GRIK1: variants seen among roughly 807,000 people sequenced by gnomAD.
GRIK1 encodes glutamate ionotropic receptor kainate type subunit 1.
GRIK1 carries 69 observed loss-of-function variants against 105.7 expected under a neutral mutation model. The observed-to-expected ratio is 0.65, with a 90% confidence interval of 0.54 to 0.80. GRIK1 has a LOEUF of 0.80. Ranked by LOEUF, GRIK1 falls within the 30% of genes least tolerant of loss-of-function variation. The pLI is 0.00. For synonymous variants in GRIK1, 438 were observed against 431.3 expected (o/e 1.02, Z -0.19); for missense variants, 1,109 against 1,167.3 (o/e 0.95, Z 0.73).
intron 1 of GRIK1, among the ~76,000 whole-genome samples, chr21:29,749,393 A>G (rs112914218): frequency 2.2e-4 from 33 of 152,348 alleles, no homozygotes; most frequent in Middle Eastern, 3.4e-3. Flanking sequence ...CTAACGTAGC[A>G]TAGTGGACGT....
chr21:29,546,762 A>G (rs1476305018), intron 16 of GRIK1, among the ~76,000 whole-genome samples: 2 of 152,254 alleles, frequency 1.3e-5, no homozygotes, highest in Non-Finnish European at 2.9e-5. Flanking sequence ...GGATCTTGCA[A>G]TTAAAAACCA....
intron 1 of GRIK1, among the ~76,000 whole-genome samples, chr21:29,855,431 G>A (rs1234170238): frequency 6.6e-6 from 1 of 152,162 alleles, no homozygotes; most frequent in Non-Finnish European, 1.5e-5. Context: ...AGGAGCATGA[G>A]GAAGAGATTT....
intron 1 of GRIK1, among the ~76,000 whole-genome samples, chr21:29,912,056 C>A (rs1039653800): frequency 6.6e-6 from 1 of 151,946 alleles, no homozygotes; most frequent in East Asian, 1.9e-4. Context: ...CACATATACA[C>A]AGAGAGAAAG....
At chr21:29,542,470 G>A (rs912886739) in intron 16 of GRIK1, among the ~76,000 whole-genome samples, 11 of 152,142 alleles carry the variant, frequency 7.2e-5, no homozygotes, top group African/African-American at 2.6e-4. Flanking sequence ...TATTTGTTTT[G>A]TACCTAAAAT....
At chr21:29,640,930 G>A (rs961857773) in intron 7 of GRIK1, among the ~76,000 whole-genome samples, 3 of 152,038 alleles carry the variant, frequency 2.0e-5, no homozygotes, top group African/African-American at 7.2e-5. Flanking sequence ...TGATGTCTTT[G>A]TTGTTGTTGT....
intron 1 of GRIK1, among the ~76,000 whole-genome samples, chr21:29,911,734 A>T (rs890695019): frequency 1.3e-5 from 2 of 152,000 alleles, no homozygotes; most frequent in African/African-American, 4.8e-5. Context: ...TCCCTCCTCC[A>T]TCATAGGAAG....
intron 7 of GRIK1, among the ~76,000 whole-genome samples, chr21:29,601,840 C>T (rs1342436177): frequency 5.3e-5 from 8 of 152,222 alleles, no homozygotes; most frequent in Non-Finnish European, 1.0e-4. Flanking sequence ...AATTATCTTA[C>T]TAAATTGTGT....
chr21:29,561,532 G>C, intron 15 of GRIK1, 92 bp downstream of exon 15: 1 of 775,100 alleles, frequency 1.3e-6, no homozygotes, highest in Non-Finnish European at 2.3e-6. Flanking sequence ...GGCCTTCTCA[G>C]AATTTGGAAT....
chr21:29,888,898 C>T (rs576335069), intron 1 of GRIK1, among the ~76,000 whole-genome samples: 7 of 148,994 alleles, frequency 4.7e-5, no homozygotes, highest in Non-Finnish European at 1.1e-4. Flanking sequence ...GGCCTTCCAT[C>T]ATGGAAAGGT....
At position 29,560,321 on chromosome 21, in the gene GRIK1, TTC is replaced by T. The variant is rs1491155904; in HGVS notation, c.2356+1301_2356+1302del. ...TTTCTTTCTTTCTTTCTTTCTTTCT[TTC>T]TTTCTTTCTTTCTTTCTTTCTTTCT... is the stretch of plus-strand genomic sequence containing the variant. On this transcript the variant is annotated intron_variant, in intron 15 of 17. Transcript: ENST00000327783. Among the ~76,000 whole-genome samples, 9 of 121,746 alleles carry T rather than the reference TTC, an allele frequency of 7.4e-5. 1 individual carries two copies. Among genetic ancestry groups the T allele is most frequent in the South Asian group, 2.7e-4 (1 of 3,756 alleles). 79.9% of individuals were successfully genotyped at this position (121,746 alleles called of 152,430 possible).
intron 1 of GRIK1, among the ~76,000 whole-genome samples, chr21:29,787,717 C>T (rs865863238): frequency 2.0e-5 from 3 of 152,194 alleles, no homozygotes; most frequent in African/African-American, 2.4e-5. Context: ...AGACGCACCA[C>T]GATTCTTCAT....
intron 15 of GRIK1, among the ~76,000 whole-genome samples, chr21:29,556,292 C>T (rs2090253890): frequency 6.6e-6 from 1 of 152,168 alleles, no homozygotes; most frequent in African/African-American, 2.4e-5. Context: ...CCAACCCATT[C>T]GGCATAAAGC....
chr21:29,600,612 G>C (rs1014002949), intron 7 of GRIK1, among the ~76,000 whole-genome samples: 5 of 152,120 alleles, frequency 3.3e-5, no homozygotes, highest in African/African-American at 1.2e-4. Context: ...AGTTATTTGC[G>C]CCACGTATAT....
chr21:29,875,543 A>T (rs756926382), intron 1 of GRIK1, among the ~76,000 whole-genome samples: 1 of 152,120 alleles, frequency 6.6e-6, no homozygotes, highest in Non-Finnish European at 1.5e-5. Context: ...TGGTATCCTT[A>T]GGGGCTTCCA....
At chr21:29,678,664 T>G (rs2146668544) in intron 3 of GRIK1, among the ~76,000 whole-genome samples, 1 of 152,282 alleles carries the variant, frequency 6.6e-6, no homozygotes, top group Non-Finnish European at 1.5e-5. Flanking sequence ...AAACTGTAAT[T>G]TATCATTTTT....
chr21:29,925,172 T>C (rs1296590664), intron 1 of GRIK1, among the ~76,000 whole-genome samples: 2 of 152,254 alleles, frequency 1.3e-5, no homozygotes, highest in Non-Finnish European at 2.9e-5. Context: ...AGGTATGCTA[T>C]CTATAACATC....
chr21:29,850,137 T>G (rs2068259453), intron 1 of GRIK1, among the ~76,000 whole-genome samples: 1 of 152,234 alleles, frequency 6.6e-6, no homozygotes. Flanking sequence ...TCTTCCTTAC[T>G]GCATTAACAT....
chr21:29,644,657 C>T lies in GRIK1; in HGVS notation c.955-1688G>A, dbSNP rs1277543974. Among the ~76,000 whole-genome samples, 4 of 152,236 alleles carry T rather than the reference C, an allele frequency of 2.6e-5. No homozygotes were observed. In the East Asian group the frequency reaches 5.8e-4, roughly 22 times the overall value. ...AAAACTAAGGCTCATGGAAATTGAC[C>T]GGTATAAGGCTACTCTGTAATCAAT... is the stretch of plus-strand genomic sequence containing the variant. On this transcript the variant is annotated intron_variant, in intron 6 of 17. Transcript: ENST00000327783.
Position 29,743,576 on chromosome 21 carries a change from TC to T in GRIK1, c.119-49514del, listed in dbSNP as rs542932796. Among the ~76,000 whole-genome samples, 235 of 152,064 alleles carry T rather than the reference TC, an allele frequency of 1.5e-3. 2 individuals are homozygous for T. Among genetic ancestry groups the T allele is most frequent in the Non-Finnish European group, 2.4e-3 (160 of 67,976 alleles). ...TGGGCGTGGTAGCATGCACCTGTAG[TC>T]CTAGCTACTCTGGAGGCTGAGGTAG... On this transcript the variant is annotated intron_variant, in intron 1 of 17. Transcript: ENST00000327783.
Sources: allele counts gnomAD v4.1 joint callset (sites outside exome capture counted in the v4.1 genomes callset), GRCh38; gene constraint gnomAD v4.1.1; transcripts MANE v1.5; gene names NCBI Gene and HGNC (gene_info 2026-07-23, HGNC 2026-07-21).